The following FBN2 variants were observed in gnomAD, a reference collection of about 807,000 sequenced individuals.
FBN2 encodes the protein fibrillin-2.
In FBN2, 105 loss-of-function variants were observed where a neutral mutation model predicts 355.6. The observed-to-expected ratio is 0.30, with a 90% CI of 0.25 to 0.35. FBN2 has a LOEUF of 0.35. Ranked by LOEUF, FBN2 falls within the 10% of genes least tolerant of loss-of-function variation. FBN2 has a pLI of 1.00. For synonymous variants in FBN2, 1,350 were observed against 1,301.2 expected (o/e 1.04, Z -0.81); for missense variants, 3,280 against 3,758.7 (o/e 0.87, Z 3.33).
intron 8 of FBN2, among the ~76,000 whole-genome samples, chr5:128,396,592 A>T (rs1752655978): frequency 6.6e-6 from 1 of 152,270 alleles, no homozygotes; most frequent in Non-Finnish European, 1.5e-5. Flanking sequence ...CAGAATACAC[A>T]ATGGATCAAA....
At chr5:128,454,087 A>G (rs550272382) in intron 6 of FBN2, among the ~76,000 whole-genome samples, 5 of 151,932 alleles carry the variant, frequency 3.3e-5, no homozygotes, top group African/African-American at 1.2e-4. Context: ...CTCCAATAGA[A>G]CATCCACAAT....
At chr5:128,335,393 A>G in intron 29 of FBN2, 62 bp downstream of exon 29, 2 of 1,612,366 alleles carry the variant, frequency 1.2e-6, no homozygotes, top group Non-Finnish European at 1.7e-6. Flanking sequence ...TAATATCTGG[A>G]GCCATATTTT....
At chr5:128,483,809 C>T (rs1351947031) in intron 5 of FBN2, among the ~76,000 whole-genome samples, 1 of 152,060 alleles carries the variant, frequency 6.6e-6, no homozygotes, top group Non-Finnish European at 1.5e-5. Context: ...GCGATAATAG[C>T]TGGAAAAAAT....
At chr5:128,324,764 C>T (rs1216914461) in intron 34 of FBN2, among the ~76,000 whole-genome samples, 1 of 151,900 alleles carries the variant, frequency 6.6e-6, no homozygotes, top group East Asian at 1.9e-4. Flanking sequence ...ACTACAGGTG[C>T]CCGGCATCAT....
rs745685765 is a variant in FBN2 at position 128,259,922 on chromosome 5, G to A, written c.8365-93C>T. On this transcript the variant is annotated intron_variant, in intron 64 of 64. Transcript: ENST00000262464. ...CAGCTGCAGGGGCTTTGGTCACGAG[G>A]ACAGGCTGTGGCTTCCCACTCCCGC... is the stretch of plus-strand genomic sequence containing the variant. 32 of 1,352,430 alleles carry A rather than the reference G, an allele frequency of 2.4e-5. 1 individual carries two copies. The highest frequency in any genetic ancestry group is 1.4e-4 in the Admixed American group (8 of 58,934). 83.8% of individuals were successfully genotyped at this position (1,352,430 alleles called of 1,614,324 possible).
At chr5:128,335,321 TG>T in intron 29 of FBN2, 26 bp from the exon 30 acceptor site, 3 of 1,614,022 alleles carry the variant, frequency 1.9e-6, no homozygotes, top group Non-Finnish European at 2.5e-6. Flanking sequence ...TAGCATCAAA[TG>T]AAAATAAAAA....
At chr5:128,529,235 A>T (rs747131269) in intron 3 of FBN2, among the ~76,000 whole-genome samples, 12 of 152,164 alleles carry the variant, frequency 7.9e-5, no homozygotes, top group Non-Finnish European at 1.8e-4. Flanking sequence ...GTAGTCATTG[A>T]AAACATGAGT....
intron 47 of FBN2, 105 bp downstream of exon 47, chr5:128,301,277 G>T: frequency 9.3e-7 from 1 of 1,078,478 alleles, no homozygotes; most frequent in Non-Finnish European, 1.4e-6. Context: ...GTGCTCTGAT[G>T]ATTAAATGAA....
chr5:128,397,418 G>A (rs1561436532), intron 8 of FBN2, among the ~76,000 whole-genome samples: 1 of 152,142 alleles, frequency 6.6e-6, no homozygotes, highest in Non-Finnish European at 1.5e-5. Flanking sequence ...ACAAGAAGGA[G>A]GTTGTAATAT....
intron 7 of FBN2, among the ~76,000 whole-genome samples, chr5:128,425,583 T>G (rs894626862): frequency 2.0e-5 from 3 of 152,150 alleles, no homozygotes; most frequent in African/African-American, 7.2e-5. Flanking sequence ...CATAATGCAG[T>G]AAGAACATTA....
At chr5:128,384,560 A>C (rs1346386001) in intron 11 of FBN2, among the ~76,000 whole-genome samples, 1 of 152,142 alleles carries the variant, frequency 6.6e-6, no homozygotes, top group Non-Finnish European at 1.5e-5. Context: ...ACAGACTTTT[A>C]GGAGTCATGA....
chr5:128,390,453 G>A (rs549541537), intron 11 of FBN2, among the ~76,000 whole-genome samples: 4 of 152,144 alleles, frequency 2.6e-5, no homozygotes, highest in African/African-American at 9.6e-5. Context: ...TAAGGCAATG[G>A]CACCAAACTG....
chr5:128,446,416 T>C, intron 7 of FBN2, 65 bp downstream of exon 7: 2 of 1,559,106 alleles, frequency 1.3e-6, no homozygotes, highest in Non-Finnish European at 1.8e-6. Flanking sequence ...AAATTTCAAA[T>C]GAAGTCCTGT....
intron 34 of FBN2, among the ~76,000 whole-genome samples, chr5:128,322,550 C>T (rs1294876704): frequency 6.6e-6 from 1 of 152,086 alleles, no homozygotes; most frequent in Admixed American, 6.5e-5. Flanking sequence ...GAATCCTCTC[C>T]CCATTGCTTG....
chr5:128,377,583 C>T (rs996897479), intron 13 of FBN2, among the ~76,000 whole-genome samples, 169 bp downstream of exon 13: 10 of 151,846 alleles, frequency 6.6e-5, no homozygotes, highest in Admixed American at 5.9e-4. Context: ...AACAAAAAAC[C>T]TGTCCTTTTG....
At chr5:128,393,050 T>G in intron 10 of FBN2, 85 bp downstream of exon 10, 5 of 1,117,068 alleles carry the variant, frequency 4.5e-6, no homozygotes, top group Non-Finnish European at 5.5e-6. Flanking sequence ...CATACAACCC[T>G]TTTGAAAAAT....
intron 8 of FBN2, among the ~76,000 whole-genome samples, chr5:128,397,409 CAAG>C (rs1160915780): frequency 1.3e-5 from 2 of 152,154 alleles, no homozygotes; most frequent in African/African-American, 2.4e-5. Context: ...AAGGCTTCTA[CAAG>C]AAGGAGGTTG....
Position 128,277,990 on chromosome 5 carries a change from T to C in FBN2, c.7361A>G (p.Lys2454Arg), listed in dbSNP as rs1765438006. Residue 2454 changes from lysine (K) to arginine (R), a missense_variant, in exon 58 of 65, where the codon AAG (lysine) becomes AGG (arginine). Lys to Arg is a conservative substitution (Grantham distance 26). Transcript: ENST00000262464. ...TTDGRDIDEC[K>R]VMPNLCTNGQ... ...ATTGGTGCAGAGGTTTGGCATTACCTTACATTCATCAATATCTGTGGACCA... is the reference window on the plus strand; with the variant it reads ...ATTGGTGCAGAGGTTTGGCATTACCCTACATTCATCAATATCTGTGGACCA... 1 of 1,614,018 alleles carries C rather than the reference T, an allele frequency of 6.2e-7. No individual in the cohort carries two copies. The highest frequency in any genetic ancestry group is 8.5e-7 in the Non-Finnish European group (1 of 1,179,930).
chr5:128,390,730 A>G lies in FBN2; in HGVS notation c.1603+1288T>C, dbSNP rs140360884. 2.8e-3 allele frequency among the ~76,000 whole-genome samples: 419 copies of G among 152,352 alleles called. 3 individuals are homozygous for G. Among genetic ancestry groups the G allele is most frequent in the African/African-American group, 9.6e-3 (401 of 41,582 alleles). ...TGCAGAATACTATTTTTACTTGAAG[A>G]ATGACTGACAAATTATAGTTATTCA... On this transcript the variant is annotated intron_variant, in intron 11 of 64. Coordinates refer to ENST00000262464, the MANE Select transcript of FBN2 (RefSeq NM_001999.4).
Sources: allele counts gnomAD v4.1 joint callset (sites outside exome capture counted in the v4.1 genomes callset), GRCh38; gene constraint gnomAD v4.1.1; transcripts MANE v1.5; gene names NCBI Gene and HGNC (gene_info 2026-07-23, HGNC 2026-07-21).